The following KLF10 variants were observed in gnomAD, a reference collection of about 807,000 sequenced individuals.
The protein encoded by KLF10 is Krueppel-like factor 10.
A neutral mutation model predicts 31.6 loss-of-function variants in KLF10; 17 were observed. The ratio of observed to expected loss-of-function variants is 0.54; its 90% CI spans 0.37 to 0.81. The LOEUF is 0.81. KLF10 is among the 30% of genes least tolerant of loss of function. The probability of loss-of-function intolerance (pLI) is 0.00; values close to 1 mark genes in which losing one functional copy is unlikely to be tolerated. For missense variants in KLF10, 525 were observed against 598.1 expected (o/e 0.88, Z 1.27); for synonymous variants, 239 against 215.1 (o/e 1.11, Z -0.97).
At chr8:102,654,001 C>A (rs1313180642) in intron 1 of KLF10, 135 of 984,828 alleles carry the variant, frequency 1.4e-4, no homozygotes, top group Non-Finnish European at 1.6e-4. Flanking sequence ...CATTCCTCGC[C>A]GCTCGCACGT....
At chr8:102,653,352 C>A in intron 1 of KLF10, 1 of 903,646 alleles carries the variant, frequency 1.1e-6, no homozygotes, top group Non-Finnish European at 1.6e-6. Context: ...ATTTTAATTC[C>A]TTAAAGAACT....
At chr8:102,653,988 G>A in intron 1 of KLF10, 4 of 985,382 alleles carry the variant, frequency 4.1e-6, no homozygotes, top group South Asian at 4.7e-5. Flanking sequence ...GAGTCACTGG[G>A]AACATTCCTC....
intron 1 of KLF10, among the ~76,000 whole-genome samples, chr8:102,654,586 C>T (rs1228779014): frequency 6.6e-6 from 1 of 152,040 alleles, no homozygotes; most frequent in African/African-American, 2.4e-5. Context: ...CGGCACTTCC[C>T]GCCCACGCGG....
intron 1 of KLF10, among the ~76,000 whole-genome samples, chr8:102,652,690 CACCT>C (rs1282866556): frequency 1.3e-5 from 2 of 152,110 alleles, no homozygotes; most frequent in Non-Finnish European, 2.9e-5. Flanking sequence ...GAGAGAGGCA[CACCT>C]ACTACCATTA....
Position 102,650,107 on chromosome 8 carries a change from T to A in KLF10, c.*25A>T, listed in dbSNP as rs370999476. 21 of 1,612,446 alleles carry A rather than the reference T, an allele frequency of 1.3e-5. No homozygotes were observed. In the African/African-American group the frequency reaches 2.8e-4, roughly 21 times the overall value. On this transcript the variant is annotated 3_prime_UTR_variant, in exon 4 of 4. Coordinates refer to ENST00000285407, the MANE Select transcript of KLF10 (RefSeq NM_005655.4). Reference sequence around the variant, plus strand: ...TGGCTCCCGCTGAGACCAAAGTTAGTTCTGACTCTTCACTTTCCGGTCTGT... The same window carrying A: ...TGGCTCCCGCTGAGACCAAAGTTAGATCTGACTCTTCACTTTCCGGTCTGT...
chr8:102,653,433 T>C, intron 1 of KLF10: 1 of 1,518,546 alleles, frequency 6.6e-7, no homozygotes, highest in South Asian at 1.3e-5. Flanking sequence ...ATAGTAAAGT[T>C]CTTTGAACTA....
Position 102,652,510 on chromosome 8 carries a change from A to G in KLF10, c.37-113T>C, listed in dbSNP as rs1332025451. On this transcript the variant is annotated intron_variant, in intron 1 of 3. Transcript: ENST00000285407. ...TTTTTTACAACTCACACAACTTTCC[A>G]AATTAAAATCAGAAATAATTTTCCT... The G allele has an allele frequency of 6.7e-6, 4 of 594,600 alleles. No individual in the cohort carries two copies. The African/African-American group carries it at 7.6e-5, about 11-fold the overall frequency. The allele number at this position is 594,600 out of a possible 1,614,324, so 36.8% of individuals were successfully genotyped here. A position where few individuals can be genotyped will look rare whatever the true frequency, so the allele number is the denominator to read the frequency against.
chr8:102,651,536 C>A lies in KLF10; in HGVS notation c.796G>T (p.Gly266Ter). 1 of 1,613,842 alleles carries A rather than the reference C, an allele frequency of 6.2e-7. No individual in the cohort carries two copies. The highest frequency in any genetic ancestry group is 8.5e-7 in the Non-Finnish European group (1 of 1,179,806). ...CAGATGACCGGCATAGGTGGCACTCCCCCTGCAGATACTGCAGGTGGAGAG... is the reference window on the plus strand; with the variant it reads ...CAGATGACCGGCATAGGTGGCACTCACCCTGCAGATACTGCAGGTGGAGAG... ...LVSPPAVSAG[G>*]VPPMPVICQM... Residue 266 changes from glycine to a stop codon, truncating the protein, a stop_gained, in exon 3 of 4, where the codon GGA becomes TGA. Transcript: ENST00000285407. LOFTEE classifies it high-confidence loss of function.
intron 1 of KLF10, among the ~76,000 whole-genome samples, chr8:102,654,847 A>C (rs896345251): frequency 7.3e-4 from 101 of 137,648 alleles, no homozygotes; most frequent in African/African-American, 2.6e-3. Flanking sequence ...CGCCTCTTCC[A>C]AGGAGTCGTC....
chr8:102,653,048 C>T (rs1017010825), intron 1 of KLF10, among the ~76,000 whole-genome samples: 1 of 152,120 alleles, frequency 6.6e-6, no homozygotes, highest in Non-Finnish European at 1.5e-5. Context: ...CTCAGGGTAT[C>T]TTTCAAGTTA....
At chr8:102,654,822 C>G (rs1827321968) in intron 1 of KLF10, among the ~76,000 whole-genome samples, 1 of 152,054 alleles carries the variant, frequency 6.6e-6, no homozygotes, top group Non-Finnish European at 1.5e-5. Flanking sequence ...CCCTCCTGCC[C>G]CAGAGGCGGC....
chr8:102,655,672 C>G lies in KLF10; in HGVS notation c.-71G>C. On this transcript the variant is annotated 5_prime_UTR_variant, in exon 1 of 4. Transcript: ENST00000285407. ...TGCTGGCTGCTTGGCCACAGACGGG[C>G]GCACGGAGACACTCGACGCCGCTCC... is the stretch of plus-strand genomic sequence containing the variant. 1 of 1,562,596 alleles carries G rather than the reference C, an allele frequency of 6.4e-7. No individual in the cohort carries two copies. Among genetic ancestry groups the G allele is most frequent in the Non-Finnish European group, 8.8e-7 (1 of 1,141,652 alleles).
chr8:102,650,398 CAA>C lies in KLF10; in HGVS notation c.1184-9_1184-8del, dbSNP rs748869883. ...CAGCTGAAAGGCTTTTCTCCTAAAA[CAA>C]AGACATACAAATCATTATTATGCAT... On this transcript the variant is annotated splice_region_variant and splice_polypyrimidine_tract_variant and intron_variant, in intron 3 of 3. Transcript: ENST00000285407. 6.2e-7 allele frequency: 1 copy of C among 1,609,810 alleles called. No individual in the cohort carries two copies.
rs747031926 is a variant in KLF10, at chr8:102,651,908, C to T, written c.424G>A (p.Val142Ile). ...GCTTTGGGGAGTTTGGGGGCAGATA[C>T]TGGGCTCTTTTCTTCCTCTTTGAAA... ...APFKEEEKSP[V>I]SAPKLPKAQA... The change falls in exon 3 of 4, where the codon GTA (valine) becomes ATA (isoleucine). Residue 142 changes from valine to isoleucine, a missense_variant. By Grantham distance (29) the Val-to-Ile change is conservative. Transcript: ENST00000285407. 5.0e-6 allele frequency: 8 copies of T among 1,614,084 alleles called. No individual in the cohort carries two copies. In the South Asian group the frequency reaches 6.6e-5, roughly 13 times the overall value.
intron 1 of KLF10, among the ~76,000 whole-genome samples, chr8:102,654,607 C>T (rs1250834181): frequency 2.6e-5 from 4 of 152,058 alleles, no homozygotes; most frequent in Admixed American, 6.5e-5. Flanking sequence ...CCCACGGGAC[C>T]TCAGACCACC....
At position 102,651,328 on chromosome 8, in the gene KLF10, C is replaced by A. The variant is rs758146992; in HGVS notation, c.1004G>T (p.Ser335Ile). Residue 335 changes from serine to isoleucine, a missense_variant, in exon 3 of 4, where the codon AGC becomes ATC. By Grantham distance (142) the Ser-to-Ile change is moderately radical. Around this residue, in one of 3 missense-constraint regions of KLF10, gnomAD observed 434 missense variants for 450.7 expected, o/e 0.96. Coordinates refer to ENST00000285407, the MANE Select transcript of KLF10 (RefSeq NM_005655.4). ...VVQSSKPPVV[S>I]PNGTRLSPIA... ...GGGAGAGAGTCTGGTGCCATTCGGG[C>A]TCACCACCGGAGGCTTTGAACTCTG... The A allele has an allele frequency of 1.3e-6, 2 of 1,597,444 alleles. No individual in the cohort carries two copies. The highest frequency in any genetic ancestry group is 2.3e-5 in the South Asian group (2 of 88,260).
At chr8:102,655,485 C>G (rs1827342479) in intron 1 of KLF10, 81 bp downstream of exon 1, 2 of 1,547,016 alleles carry the variant, frequency 1.3e-6, no homozygotes, top group East Asian at 2.3e-5. Context: ...GGCTGATGTC[C>G]GGGGCTCGGG....
intron 1 of KLF10, among the ~76,000 whole-genome samples, 158 bp from the exon 2 acceptor site, chr8:102,652,555 T>A (rs1439352484): frequency 6.6e-6 from 1 of 151,386 alleles, no homozygotes; most frequent in African/African-American, 2.4e-5. Context: ...ACTATGATAC[T>A]AAGGAAGTTC....
chr8:102,651,079 G>A lies in KLF10; in HGVS notation c.1183+70C>T, dbSNP rs1827197290. 2.2e-5 allele frequency: 29 copies of A among 1,342,110 alleles called. No individual in the cohort carries two copies. The South Asian group carries it at 4.6e-4, about 21-fold the overall frequency. The allele number at this position is 1,342,110 out of a possible 1,614,324, so 83.1% of individuals were successfully genotyped here. On this transcript the variant is annotated intron_variant, in intron 3 of 3. Transcript: ENST00000285407. The stretch of plus-strand genomic sequence containing the variant: ...AAGGCAAGTTATTCCTTATCATCCT[G>A]GGTTTAAATGTGTGATCACAGCCAA...
Sources: gnomAD v4.1 joint callset for allele counts (sites outside exome capture counted in the v4.1 genomes callset) on GRCh38, gnomAD v4.1.1 for gene constraint, gnomAD v4.1.1 regional missense constraint, MANE v1.5 for transcripts, NCBI Gene and HGNC (gene_info 2026-07-23, HGNC 2026-07-21) for gene names.